TRAPPC9: variants seen among roughly 807,000 people sequenced by gnomAD.
TRAPPC9 encodes trafficking protein particle complex subunit 9.
A neutral mutation model predicts 124.0 loss-of-function variants in TRAPPC9; 83 were observed. The ratio of observed to expected loss-of-function variants is 0.67; its 90% CI spans 0.56 to 0.80. The LOEUF (loss-of-function observed/expected upper bound fraction) is 0.80, where lower values mean the gene tolerates loss of function less well. Among genes scored for constraint, TRAPPC9 ranks in the 30% least tolerant of loss-of-function variants. The pLI, the probability that TRAPPC9 is intolerant of heterozygous loss-of-function variation, is 0.00. For missense variants in TRAPPC9, 1,302 were observed against 1,508.3 expected, an observed-to-expected ratio of 0.86 and a Z score of 2.27; for synonymous variants, 638 against 617.5, an observed-to-expected ratio of 1.03 and a Z score of -0.49.
At chr8:140,344,707 C>G (rs1335976713) in intron 9 of TRAPPC9, among the ~76,000 whole-genome samples, 4 of 152,250 alleles carry the variant, frequency 2.6e-5, no homozygotes, top group Admixed American at 2.6e-4. Context: ...GACACAGAAA[C>G]AAGACAAACC....
rs78874633 is a variant in TRAPPC9, at chr8:140,272,013, C to CA, written c.2278+3644_2278+3645insT. ...GTGGTGGTGGTAGTGATGGTGGTGA[C>CA]GGGTGATGGTGGCAGTGGTAATGGT... On this transcript the variant is annotated intron_variant, in intron 15 of 22. Transcript: ENST00000438773. Among the ~76,000 whole-genome samples, 97 of 147,770 alleles carry CA rather than the reference C, an allele frequency of 6.6e-4. No homozygotes were observed. In the East Asian group the frequency reaches 0.016, roughly 25 times the overall value.
At chr8:140,318,684 T>C (rs2066503779) in intron 9 of TRAPPC9, among the ~76,000 whole-genome samples, 1 of 152,240 alleles carries the variant, frequency 6.6e-6, no homozygotes, top group Non-Finnish European at 1.5e-5. Context: ...GTTCCATCCA[T>C]GTTGTCACAA....
intron 18 of TRAPPC9, among the ~76,000 whole-genome samples, chr8:139,997,859 A>AGAGACAATGCATCCCACACAGGG (rs1298209876): frequency 1.1e-4 from 2 of 17,974 alleles, no homozygotes; most frequent in Non-Finnish European, 1.8e-4. Context: ...CCCACACAGG[A>AGAGACAATGCATCCCACACAGGG]GAGACAATGC....
chr8:139,910,015 T>A (rs1047704371), intron 20 of TRAPPC9, 132 bp downstream of exon 20: 1 of 1,055,706 alleles, frequency 9.5e-7, no homozygotes, highest in Non-Finnish European at 1.4e-6. Flanking sequence ...TTGGTCCACA[T>A]CTCCTTGCCA....
intron 17 of TRAPPC9, among the ~76,000 whole-genome samples, chr8:140,212,761 C>T (rs2131262385): frequency 6.6e-6 from 1 of 152,136 alleles, no homozygotes; most frequent in South Asian, 2.1e-4. Flanking sequence ...TATGGGAAGG[C>T]GTTTTTTTTC....
intron 19 of TRAPPC9, among the ~76,000 whole-genome samples, chr8:139,923,402 C>T (rs1392135145): frequency 3.9e-5 from 6 of 152,222 alleles, no homozygotes; most frequent in Non-Finnish European, 8.8e-5. Flanking sequence ...CCCATCTGAA[C>T]ACATGGGAGC....
At position 140,182,328 on chromosome 8, in the gene TRAPPC9, T is replaced by TAA. The variant is rs752919229; in HGVS notation, c.2556+39129_2556+39130dup. Reference sequence around the variant, plus strand: ...TCAACTGTTTTCTACATATTTCAACTAAAAAAAAAAAAAAATACGGCTTGG... The same window carrying TAA: ...TCAACTGTTTTCTACATATTTCAACTAAAAAAAAAAAAAAAAATACGGCTTGG... On this transcript the variant is annotated intron_variant, in intron 17 of 22. Coordinates refer to ENST00000438773, the MANE Select transcript of TRAPPC9 (RefSeq NM_001160372.4). This position sits in a 1 kb window ranked among gnomAD's most constrained non-coding sequence, Gnocchi z 4.0. Among the ~76,000 whole-genome samples the TAA allele has an allele frequency of 7.4e-6, 1 of 135,396 alleles. No homozygotes were observed. The highest frequency in any genetic ancestry group is 1.6e-5 in the Non-Finnish European group (1 of 61,992). The allele number at this position is 135,396 out of a possible 152,430, so 88.8% of individuals were successfully genotyped here. A position where few individuals can be genotyped will look rare whatever the true frequency, so the allele number is the denominator to read the frequency against.
intron 17 of TRAPPC9, among the ~76,000 whole-genome samples, chr8:140,206,392 G>A (rs935047744): frequency 2.0e-5 from 3 of 151,838 alleles, no homozygotes; most frequent in Non-Finnish European, 4.4e-5. Context: ...TTTTCCTGAG[G>A]GGCTATTATT....
At chr8:139,871,315 T>C (rs977340555) in intron 21 of TRAPPC9, among the ~76,000 whole-genome samples, 2 of 152,206 alleles carry the variant, frequency 1.3e-5, no homozygotes, top group Admixed American at 1.3e-4. Context: ...TTATTAGGAT[T>C]AATAACCTGC....
intron 17 of TRAPPC9, among the ~76,000 whole-genome samples, chr8:140,162,311 G>T (rs944882403): frequency 6.6e-6 from 1 of 152,126 alleles, no homozygotes; most frequent in African/African-American, 2.4e-5. Context: ...AACTGCTCGT[G>T]TTTGCCCCAA....
chr8:140,419,417 A>C (rs1420236545), intron 5 of TRAPPC9, among the ~76,000 whole-genome samples: 1 of 120,800 alleles, frequency 8.3e-6, no homozygotes. Context: ...CGACAGAGTG[A>C]GACTCCGTCT....
chr8:140,006,398 T>C (rs1587475696), intron 18 of TRAPPC9, among the ~76,000 whole-genome samples: 2 of 152,310 alleles, frequency 1.3e-5, no homozygotes, highest in South Asian at 4.1e-4. Context: ...TCATATACTA[T>C]GGGAATGTAA....
At chr8:140,363,178 C>T (rs1367307378) in intron 8 of TRAPPC9, among the ~76,000 whole-genome samples, 1 of 152,108 alleles carries the variant, frequency 6.6e-6, no homozygotes, top group Non-Finnish European at 1.5e-5. Context: ...TTTAATCCCT[C>T]GTCCAGGAAA....
chr8:140,421,125 C>G (rs548595609), intron 5 of TRAPPC9, among the ~76,000 whole-genome samples: 1 of 152,230 alleles, frequency 6.6e-6, no homozygotes, highest in African/African-American at 2.4e-5. Context: ...GTGCATAAGA[C>G]AGGATAAACT....
At position 140,406,819 on chromosome 8, in the gene TRAPPC9, C is replaced by A. The variant is rs2069511091; in HGVS notation, c.887-1121G>T. Among the ~76,000 whole-genome samples the A allele has an allele frequency of 2.0e-5, 3 of 152,108 alleles. No homozygotes were observed. The South Asian group carries it at 6.2e-4, about 31-fold the overall frequency. On this transcript the variant is annotated intron_variant, in intron 5 of 22. Coordinates refer to ENST00000438773, the MANE Select transcript of TRAPPC9 (RefSeq NM_001160372.4). ...TGTTTCCTGCTGATTTTGTGAAAAT[C>A]ACAGCAAGAGACAAGAGGGAAGAAC...
intron 17 of TRAPPC9, among the ~76,000 whole-genome samples, chr8:140,083,695 C>T (rs1351369105): frequency 6.6e-6 from 1 of 152,032 alleles, no homozygotes; most frequent in African/African-American, 2.4e-5. Flanking sequence ...GAGATGGAGT[C>T]TCGCTCTGTC....
chr8:140,409,779 TA>T (rs1204018685), intron 5 of TRAPPC9, among the ~76,000 whole-genome samples: 1 of 152,076 alleles, frequency 6.6e-6, no homozygotes. Flanking sequence ...TGTGTTTATT[TA>T]AAAAATAAGA....
intron 19 of TRAPPC9, among the ~76,000 whole-genome samples, chr8:139,976,632 C>T (rs1162297914): frequency 1.3e-5 from 2 of 152,204 alleles, no homozygotes. Flanking sequence ...GATCTGCGCA[C>T]GGCTCGTGAG....
chr8:139,843,483 T>C (rs1178483984), intron 21 of TRAPPC9, among the ~76,000 whole-genome samples: 3 of 152,230 alleles, frequency 2.0e-5, no homozygotes, highest in Non-Finnish European at 4.4e-5. Flanking sequence ...CCAAAGATCC[T>C]GACCCACGGA....
Sources: allele counts gnomAD v4.1 joint callset (sites outside exome capture counted in the v4.1 genomes callset), GRCh38; gene constraint gnomAD v4.1.1; non-coding constraint Gnocchi (gnomAD v3.1); transcripts MANE v1.5; gene names NCBI Gene and HGNC (gene_info 2026-07-23, HGNC 2026-07-21).